TMEFF2: variants seen among roughly 807,000 people sequenced by gnomAD.
The protein encoded by TMEFF2 is transmembrane protein with EGF like and two follistatin like domains 2.
In TMEFF2, 28 loss-of-function variants were observed where a neutral mutation model predicts 53.8. The observed-to-expected ratio is 0.52, with a 90% CI of 0.39 to 0.71. TMEFF2 has a LOEUF of 0.71. Ranked by LOEUF, TMEFF2 falls within the 30% of genes least tolerant of loss-of-function variation. TMEFF2 has a pLI of 0.00. For synonymous variants in TMEFF2, 162 were observed against 166.3 expected (o/e 0.97, Z 0.20); for missense variants, 353 against 455.2 (o/e 0.78, Z 2.04).
chr2:192,191,758 T>C, intron 2 of TMEFF2, 122 bp downstream of exon 2: 1 of 645,228 alleles, frequency 1.5e-6, no homozygotes, highest in Non-Finnish European at 2.6e-6. Context: ...GTACTTTTGC[T>C]TGGTGCCAGC....
chr2:192,147,145 T>G (rs1020969835), intron 4 of TMEFF2, among the ~76,000 whole-genome samples: 2 of 151,996 alleles, frequency 1.3e-5, no homozygotes, highest in Non-Finnish European at 2.9e-5. Context: ...TGAGTAGTCA[T>G]AAGAAGAAAC....
intron 4 of TMEFF2, among the ~76,000 whole-genome samples, chr2:192,102,903 A>T (rs1574374758): frequency 6.6e-6 from 1 of 151,912 alleles, no homozygotes; most frequent in East Asian, 1.9e-4. Flanking sequence ...TCCTATTGAA[A>T]ATTGCAACCT....
chr2:192,045,729 C>T (rs1687602928), intron 5 of TMEFF2, among the ~76,000 whole-genome samples: 2 of 152,166 alleles, frequency 1.3e-5, no homozygotes, highest in South Asian at 2.1e-4. Flanking sequence ...CAGAAACCAA[C>T]ACCGAGTCCC....
At chr2:192,030,003 G>C (rs968710118) in intron 5 of TMEFF2, among the ~76,000 whole-genome samples, 6 of 152,082 alleles carry the variant, frequency 3.9e-5, no homozygotes, top group African/African-American at 1.4e-4. Context: ...GTAAGAATGA[G>C]AATAAAAAAG....
At chr2:192,101,499 GAATA>G (rs904022736) in intron 4 of TMEFF2, among the ~76,000 whole-genome samples, 2 of 152,098 alleles carry the variant, frequency 1.3e-5, no homozygotes, top group Non-Finnish European at 2.9e-5. Context: ...TTCTCTACAT[GAATA>G]AATACTCACT....
intron 8 of TMEFF2, among the ~76,000 whole-genome samples, chr2:191,955,243 T>A (rs986934534): frequency 2.0e-5 from 3 of 151,894 alleles, no homozygotes; most frequent in Non-Finnish European, 4.4e-5. Context: ...ATATGTCACT[T>A]GTACTTAATG....
chr2:192,109,875 C>G (rs1319585997), intron 4 of TMEFF2, among the ~76,000 whole-genome samples: 1 of 152,022 alleles, frequency 6.6e-6, no homozygotes, highest in Non-Finnish European at 1.5e-5. Flanking sequence ...AATTACACTT[C>G]CAAGTCTGAA....
chr2:191,958,295 A>G (rs61645611), intron 7 of TMEFF2, among the ~76,000 whole-genome samples: 3,228 of 152,300 alleles, frequency 0.021, 123 homozygotes, highest in African/African-American at 0.073. Context: ...CGACACTTCT[A>G]TGGTTCATTA....
intron 5 of TMEFF2, among the ~76,000 whole-genome samples, chr2:192,002,951 A>G (rs993264384): frequency 4.6e-5 from 7 of 152,214 alleles, no homozygotes; most frequent in Non-Finnish European, 8.8e-5. Context: ...CTGATTACAT[A>G]ATCATTATTT....
At chr2:191,954,923 T>C (rs1373327492) in intron 8 of TMEFF2, among the ~76,000 whole-genome samples, 1 of 152,110 alleles carries the variant, frequency 6.6e-6, no homozygotes, top group Non-Finnish European at 1.5e-5. Flanking sequence ...TGTGGAACTA[T>C]TCTATTACTT....
intron 4 of TMEFF2, among the ~76,000 whole-genome samples, chr2:192,073,796 CAAAAT>C (rs1355700110): frequency 7.8e-4 from 118 of 151,288 alleles, no homozygotes; most frequent in Non-Finnish European, 1.9e-4. Context: ...AAAAATAAAA[CAAAAT>C]AAGGTGTTAT....
intron 7 of TMEFF2, among the ~76,000 whole-genome samples, chr2:191,997,878 A>C (rs1686260731): frequency 6.6e-6 from 1 of 151,926 alleles, no homozygotes; most frequent in Non-Finnish European, 1.5e-5. Flanking sequence ...GAGACTAGCA[A>C]ACTTTTCATT....
chr2:192,075,314 T>TATATATATAAATATAAATAA (rs1371842832), intron 4 of TMEFF2, among the ~76,000 whole-genome samples: 1 of 79,872 alleles, frequency 1.3e-5, no homozygotes, highest in Non-Finnish European at 2.8e-5. Context: ...TATATATATA[T>TATATATATAAATATAAATAA]ATATATATAT....
chr2:192,024,629 A>G (rs1234254447), intron 5 of TMEFF2, among the ~76,000 whole-genome samples: 1 of 152,218 alleles, frequency 6.6e-6, no homozygotes, highest in Non-Finnish European at 1.5e-5. Context: ...GAGTACATAT[A>G]TGGTTGGTGT....
intron 7 of TMEFF2, among the ~76,000 whole-genome samples, chr2:191,964,546 A>G (rs574947606): frequency 6.6e-6 from 1 of 151,370 alleles, no homozygotes; most frequent in Admixed American, 6.6e-5. Flanking sequence ...TTGTATCTTC[A>G]ACTCTTCCTC....
Position 192,077,734 on chromosome 2 carries a change from T to G in TMEFF2, c.440-19959A>C, listed in dbSNP as rs1237263982. Among the ~76,000 whole-genome samples, 3 of 152,144 alleles carry G rather than the reference T, an allele frequency of 2.0e-5. No individual in the cohort carries two copies. The East Asian group carries it at 5.8e-4, about 29-fold the overall frequency. The stretch of plus-strand genomic sequence containing the variant: ...TTTATGTTTTCAAGTTTGTCTACAT[T>G]TATGTGTATATAAATGAACATATGT... On this transcript the variant is annotated intron_variant, in intron 4 of 9. Coordinates refer to ENST00000272771, the MANE Select transcript of TMEFF2 (RefSeq NM_016192.4).
chr2:192,025,788 C>A (rs547217211), intron 5 of TMEFF2, among the ~76,000 whole-genome samples: 51 of 152,106 alleles, frequency 3.4e-4, no homozygotes, highest in Non-Finnish European at 5.0e-4. Context: ...GGGATGGGTG[C>A]TAGCTCGAGG....
chr2:192,131,669 C>T (rs1280439182), intron 4 of TMEFF2, among the ~76,000 whole-genome samples: 1 of 152,066 alleles, frequency 6.6e-6, no homozygotes, highest in African/African-American at 2.4e-5. Flanking sequence ...TACTCTTTTC[C>T]CTGGGCTTGC....
intron 4 of TMEFF2, among the ~76,000 whole-genome samples, chr2:192,088,811 T>C (rs1406588893): frequency 1.3e-5 from 2 of 152,114 alleles, no homozygotes; most frequent in African/African-American, 4.8e-5. Context: ...ACCTCCAAAA[T>C]ACCTTCTGTT....
Sources: gnomAD v4.1 joint callset for allele counts (sites outside exome capture counted in the v4.1 genomes callset) on GRCh38, gnomAD v4.1.1 for gene constraint, MANE v1.5 for transcripts, NCBI Gene and HGNC (gene_info 2026-07-23, HGNC 2026-07-21) for gene names.